The following RO60 variants were observed in gnomAD, a reference collection of about 807,000 sequenced individuals.
The protein encoded by RO60 is Ro60, Y RNA binding protein.
RO60 carries 20 observed loss-of-function variants against 55.3 expected under a neutral mutation model. The observed-to-expected ratio is 0.36, with a 90% CI of 0.25 to 0.53. The LOEUF is 0.53. RO60 is among the 20% of genes least tolerant of loss of function. The pLI is 0.92. For synonymous variants in RO60, 213 were observed against 213.6 expected, an observed-to-expected ratio of 1.00 and a Z score of 0.02; for missense variants, 558 against 646.6, an observed-to-expected ratio of 0.86 and a Z score of 1.49.
chr1:193,072,156 G>A lies in RO60; in HGVS notation c.580+2522G>A, dbSNP rs1336637831. Among the ~76,000 whole-genome samples, 8 of 151,880 alleles carry A rather than the reference G, an allele frequency of 5.3e-5. No individual in the cohort carries two copies. In the South Asian group the frequency reaches 6.2e-4, roughly 12 times the overall value. ...GTAGCTGGGATTACAAGCTCCTGCC[G>A]CCATGCTCTGCTAATTTTTGTATTT... is the stretch of plus-strand genomic sequence containing the variant. On this transcript the variant is annotated intron_variant, in intron 2 of 8. Coordinates refer to ENST00000400968, the MANE Select transcript of RO60 (RefSeq NM_001173524.2).
chr1:193,066,832 T>C (rs1241520298), intron 1 of RO60, among the ~76,000 whole-genome samples: 1 of 152,228 alleles, frequency 6.6e-6, no homozygotes, highest in Non-Finnish European at 1.5e-5. Context: ...AGACAGTTTC[T>C]TTTCTAGAAT....
intron 2 of RO60, among the ~76,000 whole-genome samples, chr1:193,073,264 C>G (rs948734824): frequency 6.6e-6 from 1 of 152,190 alleles, no homozygotes; most frequent in African/African-American, 2.4e-5. Flanking sequence ...GCAAGAGTCA[C>G]AATACTTGAG....
intron 2 of RO60, among the ~76,000 whole-genome samples, chr1:193,071,836 C>G (rs562025071): frequency 1.6e-4 from 21 of 127,850 alleles, no homozygotes; most frequent in African/African-American, 5.4e-4. Flanking sequence ...ATATATATAC[C>G]TATATATGTA....
intron 2 of RO60, among the ~76,000 whole-genome samples, chr1:193,075,289 CT>C (rs5779659): frequency 0.021 from 2,868 of 135,228 alleles, 73 homozygotes; most frequent in African/African-American, 0.064. Flanking sequence ...TTACTGTTTC[CT>C]TTTTTTTTTT....
intron 2 of RO60, among the ~76,000 whole-genome samples, chr1:193,073,800 A>C (rs563643913): frequency 5.9e-5 from 9 of 151,998 alleles, no homozygotes; most frequent in Non-Finnish European, 7.4e-5. Context: ...GGTTTGTTAC[A>C]TATGTATACA....
In RO60 at chr1:193,086,296, G is replaced by C. The variant is rs911146022; in HGVS notation, c.*1565G>C. On this transcript the variant is annotated 3_prime_UTR_variant, in exon 9 of 9. Coordinates refer to ENST00000400968, the MANE Select transcript of RO60 (RefSeq NM_001173524.2). Reference sequence around the variant, plus strand: ...GAAAATATTCCTTTCAAATTTATTTGACATATTAATGCTGGTTTTGATATG... The same window carrying C: ...GAAAATATTCCTTTCAAATTTATTTCACATATTAATGCTGGTTTTGATATG... 6.6e-6 allele frequency: 1 copy of C among 152,490 alleles called. No individual in the cohort carries two copies. The highest frequency in any genetic ancestry group is 6.6e-5 in the Admixed American group (1 of 15,254). 9.4% of individuals were successfully genotyped at this position (152,490 alleles called of 1,614,324 possible).
Position 193,081,256 on chromosome 1 carries a change from A to G in RO60, c.1087-108A>G. 4 of 540,602 alleles carry G rather than the reference A, an allele frequency of 7.4e-6. No individual in the cohort carries two copies. In the South Asian group the frequency reaches 1.3e-4, roughly 17 times the overall value. The allele number at this position is 540,602 out of a possible 1,614,324, so 33.5% of individuals were successfully genotyped here. A position where few individuals can be genotyped will look rare whatever the true frequency, so the allele number is the denominator to read the frequency against. On this transcript the variant is annotated intron_variant, in intron 5 of 8. Coordinates refer to ENST00000400968, the MANE Select transcript of RO60 (RefSeq NM_001173524.2). ...GTCAATTGGTATATCAAAAATCTGAAGGCCTTTTATCAGTCTTTTTAATGT... is the reference window on the plus strand; with the variant it reads ...GTCAATTGGTATATCAAAAATCTGAGGGCCTTTTATCAGTCTTTTTAATGT...
At chr1:193,060,861 T>G (rs1319633598) in intron 1 of RO60, among the ~76,000 whole-genome samples, 2 of 152,162 alleles carry the variant, frequency 1.3e-5, no homozygotes, top group African/African-American at 2.4e-5. Flanking sequence ...AGGCACAGAG[T>G]CCAGAATGAT....
chr1:193,081,761 G>GA (rs1212362487), intron 6 of RO60, among the ~76,000 whole-genome samples: 3 of 151,662 alleles, frequency 2.0e-5, no homozygotes, highest in Non-Finnish European at 4.4e-5. Context: ...TAGATAAAAT[G>GA]AAAAAAAGAC....
chr1:193,060,921 T>C (rs948716981), intron 1 of RO60, among the ~76,000 whole-genome samples: 8 of 152,120 alleles, frequency 5.3e-5, no homozygotes, highest in African/African-American at 1.7e-4. Flanking sequence ...ATCTGTAATA[T>C]TGCTATGAAC....
chr1:193,077,017 A>G lies in RO60; in HGVS notation c.1053A>G (p.Lys351=). Residue 351 remains lysine (K), a synonymous_variant, in exon 5 of 9, where the codon AAA becomes AAG. Coordinates refer to ENST00000400968, the MANE Select transcript of RO60 (RefSeq NM_001173524.2). ...GGCGCCCTGATGAAGAAATTTTGAA[A>G]GCATTGGATGCTGCTTTTTATAAAA... ...LKWRPDEEIL[K]ALDAAFYKTF... The G allele has an allele frequency of 6.2e-7, 1 of 1,612,320 alleles. No homozygotes were observed. The highest frequency in any genetic ancestry group is 1.3e-5 in the African/African-American group (1 of 75,020).
intron 5 of RO60, among the ~76,000 whole-genome samples, chr1:193,078,957 G>T (rs374052380): frequency 6.6e-6 from 1 of 151,874 alleles, no homozygotes; most frequent in African/African-American, 2.4e-5. Context: ...GGACTCTTCA[G>T]TAACTCTTTC....
At chr1:193,071,116 T>TTATG (rs1211614929) in intron 2 of RO60, among the ~76,000 whole-genome samples, 1 of 152,142 alleles carries the variant, frequency 6.6e-6, no homozygotes, top group African/African-American at 2.4e-5. Context: ...GAGCGCAACC[T>TTATG]AGATCCCTCA....
intron 2 of RO60, among the ~76,000 whole-genome samples, chr1:193,074,783 G>A (rs1382777592): frequency 1.3e-5 from 2 of 152,172 alleles, no homozygotes; most frequent in Non-Finnish European, 2.9e-5. Flanking sequence ...ATTGCTTTTG[G>A]TGTTTTAGAC....
Position 193,064,476 on chromosome 1 carries a change from A to G in RO60, c.-21-4558A>G, listed in dbSNP as rs561949884. On this transcript the variant is annotated intron_variant, in intron 1 of 8. Coordinates refer to ENST00000400968, the MANE Select transcript of RO60 (RefSeq NM_001173524.2). ...CTCTTATAAGATGCCACAGTATCAC[A>G]TCACTTTGCCGAATTTTGAGTTTAT... 7.2e-5 allele frequency among the ~76,000 whole-genome samples: 11 copies of G among 152,350 alleles called. No individual in the cohort carries two copies. In the South Asian group the frequency reaches 2.3e-3, roughly 32 times the overall value.
Position 193,076,909 on chromosome 1 carries a change from C to T in RO60, c.949-4C>T, listed in dbSNP as rs1343200251. On this transcript the variant is annotated splice_polypyrimidine_tract_variant and splice_region_variant and intron_variant, in intron 4 of 8. Coordinates refer to ENST00000400968, the MANE Select transcript of RO60 (RefSeq NM_001173524.2). ...CTAAAATTTTCCTTATACTTTGTTT[C>T]TAGGCTCGTATACATCCATTTCATA... The T allele has an allele frequency of 6.2e-7, 1 of 1,603,098 alleles. No individual in the cohort carries two copies. Among genetic ancestry groups the T allele is most frequent in the Non-Finnish European group, 8.5e-7 (1 of 1,174,350 alleles).
At position 193,059,829 on chromosome 1, in the gene RO60, G is replaced by A; in HGVS notation, c.-22+53G>A. 7.4e-7 allele frequency: 1 copy of A among 1,358,888 alleles called. No individual in the cohort carries two copies. Among genetic ancestry groups the A allele is most frequent in the East Asian group, 4.6e-5 (1 of 21,642 alleles). 84.2% of individuals were successfully genotyped at this position (1,358,888 alleles called of 1,614,324 possible). A position where few individuals can be genotyped will look rare whatever the true frequency, so the allele number is the denominator to read the frequency against. On this transcript the variant is annotated intron_variant, in intron 1 of 8. Coordinates refer to ENST00000400968, the MANE Select transcript of RO60 (RefSeq NM_001173524.2). This position sits in a 1 kb window ranked among gnomAD's most constrained non-coding sequence, Gnocchi z 4.9. ...GAGCCTTTTGTGCGGCCCCAGGGACGCGCAAATTCTGACCAGTCCTCCATG... is the reference window on the plus strand; with the variant it reads ...GAGCCTTTTGTGCGGCCCCAGGGACACGCAAATTCTGACCAGTCCTCCATG...
intron 1 of RO60, among the ~76,000 whole-genome samples, chr1:193,064,671 A>G (rs1388685442): frequency 6.6e-6 from 1 of 152,248 alleles, no homozygotes; most frequent in Non-Finnish European, 1.5e-5. Flanking sequence ...CACTCTGGAA[A>G]GTACAGTCAC....
In RO60 at chr1:193,059,988, G is replaced by T. The variant is rs1480723906; in HGVS notation, c.-22+212G>T. 8 of 1,365,992 alleles carry T rather than the reference G, an allele frequency of 5.9e-6. No individual in the cohort carries two copies. The highest frequency in any genetic ancestry group is 7.8e-6 in the Non-Finnish European group (8 of 1,021,656). The allele number at this position is 1,365,992 out of a possible 1,614,324, so 84.6% of individuals were successfully genotyped here. ...CGGTAGGGACATCCTCGCTAGGCCC[G>T]GCCGGACCATTCCTCAGGGTGGGCC... On this transcript the variant is annotated intron_variant, in intron 1 of 8. Coordinates refer to ENST00000400968, the MANE Select transcript of RO60 (RefSeq NM_001173524.2). The surrounding 1 kb of genome is among the most constrained non-coding windows in gnomAD (Gnocchi z 4.9).
Sources: allele counts gnomAD v4.1 joint callset (sites outside exome capture counted in the v4.1 genomes callset), GRCh38; gene constraint gnomAD v4.1.1; non-coding constraint Gnocchi (gnomAD v3.1); transcripts MANE v1.5; gene names NCBI Gene and HGNC (gene_info 2026-07-23, HGNC 2026-07-21).